The following SVIL variants were observed in gnomAD, a reference collection of about 807,000 sequenced individuals.
SVIL encodes the protein supervillin.
Under a neutral mutation model 240.4 loss-of-function variants are expected in SVIL, and 101 were observed. The observed-to-expected ratio is 0.42, with a 90% CI of 0.36 to 0.50. SVIL has a LOEUF of 0.50. SVIL is among the 20% of genes least tolerant of loss of function. The probability of loss-of-function intolerance (pLI) is 0.01; values close to 1 mark genes in which losing one functional copy is unlikely to be tolerated. For synonymous variants in SVIL, 999 were observed against 1,100.0 expected (o/e 0.91, Z 1.82); for missense variants, 2,512 against 2,818.7 (o/e 0.89, Z 2.46).
In SVIL at chr10:29,484,432, C is replaced by T. The variant is rs1268003335; in HGVS notation, c.4955+224G>A. 2.0e-5 allele frequency among the ~76,000 whole-genome samples: 3 copies of T among 152,216 alleles called. No individual in the cohort carries two copies. The highest frequency in any genetic ancestry group is 3.8e-4 in the East Asian group (2 of 5,206). On this transcript the variant is annotated intron_variant, in intron 27 of 37. Transcript: ENST00000355867. This position sits in a 1 kb window ranked among gnomAD's most constrained non-coding sequence, Gnocchi z 4.7. ...TTTCTTGCTCACTTCAAGAAATCAA[C>T]TATAACAAACCTCTTCCAGAAGACT...
chr10:29,628,516 C>T (rs752128428), intron 1 of SVIL, among the ~76,000 whole-genome samples: 9 of 152,198 alleles, frequency 5.9e-5, no homozygotes, highest in Admixed American at 1.3e-4. Context: ...ATGCTCAGAA[C>T]GTAATTGAAA....
chr10:29,696,412 C>T lies in SVIL; in HGVS notation c.-399-9761G>A, dbSNP rs377616164. ...TGAGGAGCGTCTCTGCCTGGCTGCC[C>T]ATCGTCTGGGATGTGAGGAGCCCCT... On this transcript the variant is annotated intron_variant, in intron 1 of 35. Coordinates refer to the SVIL transcript ENST00000375400. Among the ~76,000 whole-genome samples the T allele has an allele frequency of 8.4e-4, 126 of 150,770 alleles. 1 individual carries two copies. In the South Asian group the frequency reaches 0.024, roughly 29 times the overall value.
intron 2 of SVIL, among the ~76,000 whole-genome samples, chr10:29,683,656 C>T (rs569991063): frequency 6.6e-6 from 1 of 152,328 alleles, no homozygotes; most frequent in Admixed American, 6.5e-5. Flanking sequence ...CCCAACCTAG[C>T]AAAACACACA....
At chr10:29,542,520 T>C (rs952644571) in intron 6 of SVIL, among the ~76,000 whole-genome samples, 5 of 151,294 alleles carry the variant, frequency 3.3e-5, no homozygotes, top group African/African-American at 4.9e-5. Flanking sequence ...TTTGTTGTCT[T>C]TTTTTTTTAA....
intron 1 of SVIL, among the ~76,000 whole-genome samples, chr10:29,615,030 C>T (rs959522607): frequency 1.3e-5 from 2 of 151,960 alleles, no homozygotes; most frequent in Non-Finnish European, 2.9e-5. Flanking sequence ...GTTAAGTTAT[C>T]CCCCCATGCT....
intron 1 of SVIL, among the ~76,000 whole-genome samples, chr10:29,628,259 T>C (rs1278651696): frequency 6.6e-6 from 1 of 152,196 alleles, no homozygotes; most frequent in Non-Finnish European, 1.5e-5. Context: ...GCTTTCCCAT[T>C]TGGGTTTTGG....
intron 1 of SVIL, among the ~76,000 whole-genome samples, chr10:29,687,961 G>A (rs916343044): frequency 3.3e-5 from 5 of 152,162 alleles, no homozygotes; most frequent in African/African-American, 7.2e-5. Context: ...CCCAATAACC[G>A]CCCTAGTTCT....
chr10:29,499,146 A>G lies in SVIL; in HGVS notation c.3634T>C (p.Phe1212Leu), dbSNP rs1280579812. 6.2e-7 allele frequency: 1 copy of G among 1,613,902 alleles called. No homozygotes were observed. Among genetic ancestry groups the G allele is most frequent in the Non-Finnish European group, 8.5e-7 (1 of 1,179,992 alleles). Residue 1212 changes from phenylalanine (F) to leucine (L), a missense_variant, in exon 18 of 38, where the codon TTC (phenylalanine) becomes CTC (leucine). Around this residue, in one of 3 missense-constraint regions of SVIL, gnomAD observed 272 missense variants for 406.8 expected, o/e 0.67. Coordinates refer to ENST00000355867, the MANE Select transcript of SVIL (RefSeq NM_021738.3). ...TTCACCATCCTGCCAGCCACAGTGA[A>G]CTGGGTCGAGTCGTTGGCCGCTCCT... ...GRGAANDSTQFTVAGRMVKKG... is the reference protein window; with the variant it reads ...GRGAANDSTQLTVAGRMVKKG...
In SVIL at chr10:29,531,112, T is replaced by A. The variant is rs865832347; in HGVS notation, c.2044+142A>T. On this transcript the variant is annotated intron_variant, in intron 10 of 37. Coordinates refer to ENST00000355867, the MANE Select transcript of SVIL (RefSeq NM_021738.3). ...TGAAAATTTCAACTAGATTTTATCA[T>A]ATCCACAGAACGAAAACCTGCAGCA... The A allele has an allele frequency of 5.3e-6, 4 of 757,588 alleles. No individual in the cohort carries two copies. In the Middle Eastern group the frequency reaches 8.7e-4, roughly 164 times the overall value. The allele number at this position is 757,588 out of a possible 1,614,324, so 46.9% of individuals were successfully genotyped here. A position where few individuals can be genotyped will look rare whatever the true frequency, so the allele number is the denominator to read the frequency against.
At chr10:29,479,716 C>G (rs1446461506) in intron 29 of SVIL, among the ~76,000 whole-genome samples, 1 of 152,232 alleles carries the variant, frequency 6.6e-6, no homozygotes, top group Non-Finnish European at 1.5e-5. Flanking sequence ...GTTTTCTGAT[C>G]AGCAAACAGC....
At chr10:29,464,498 C>T (rs538614812) in intron 34 of SVIL, among the ~76,000 whole-genome samples, 2 of 152,174 alleles carry the variant, frequency 1.3e-5, no homozygotes, top group South Asian at 4.2e-4. Flanking sequence ...TTCCTCCTAC[C>T]TTTTTCTCCT....
At chr10:29,512,616 A>G in intron 17 of SVIL, 119 bp downstream of exon 17, 1 of 1,565,166 alleles carries the variant, frequency 6.4e-7, no homozygotes, top group South Asian at 1.1e-5. Context: ...GTGTACCCTA[A>G]GGGCAAAAAT....
At chr10:29,604,113 T>C (rs150388706) in intron 1 of SVIL, among the ~76,000 whole-genome samples, 171 of 152,236 alleles carry the variant, frequency 1.1e-3, no homozygotes, top group African/African-American at 3.9e-3. Context: ...TACAATAAGA[T>C]ATTTTGAGAG....
intron 17 of SVIL, among the ~76,000 whole-genome samples, chr10:29,508,827 G>A (rs540823751): frequency 6.0e-4 from 92 of 152,302 alleles, no homozygotes; most frequent in African/African-American, 2.0e-3. Context: ...ACAGACACAG[G>A]GTTTTAATGG....
chr10:29,575,564 T>C (rs1955654714), intron 1 of SVIL, among the ~76,000 whole-genome samples: 1 of 152,260 alleles, frequency 6.6e-6, no homozygotes, highest in African/African-American at 2.4e-5. Context: ...CTATAATTCC[T>C]AATTTTCTTG....
chr10:29,560,843 CT>C (rs34960285), intron 3 of SVIL, among the ~76,000 whole-genome samples: 74,698 of 145,020 alleles, frequency 0.52, 19,239 homozygotes, highest in African/African-American at 0.62. Context: ...GGCACTGGCA[CT>C]TTTTTTTTTT....
At chr10:29,670,560 T>C (rs1959686708) in intron 2 of SVIL, among the ~76,000 whole-genome samples, 2 of 152,284 alleles carry the variant, frequency 1.3e-5, no homozygotes, top group East Asian at 1.9e-4. Flanking sequence ...AAGTCTTTTG[T>C]GTAAACATCG....
chr10:29,637,448 A>G (rs964075635), upstream of SVIL, among the ~76,000 whole-genome samples: 1 of 152,180 alleles, frequency 6.6e-6, no homozygotes, highest in Non-Finnish European at 1.5e-5. Context: ...AGCCAAGATC[A>G]TGCCACTGCA....
chr10:29,526,079 A>G (rs1455371766), intron 13 of SVIL, among the ~76,000 whole-genome samples: 1 of 152,196 alleles, frequency 6.6e-6, no homozygotes, highest in African/African-American at 2.4e-5. Context: ...TTAAAGCACC[A>G]CAATCTGAAA....
Sources: gnomAD v4.1 joint callset for allele counts (sites outside exome capture counted in the v4.1 genomes callset) on GRCh38, gnomAD v4.1.1 for gene constraint, gnomAD v4.1.1 regional missense constraint, Gnocchi (gnomAD v3.1) non-coding constraint, MANE v1.5 for transcripts, NCBI Gene and HGNC (gene_info 2026-07-23, HGNC 2026-07-21) for gene names.